Variants in SNX6 observed in about 807,000 individuals in gnomAD.
SNX6 encodes sorting nexin 6, also known as sorting nexin-6.
SNX6 carries 34 observed loss-of-function variants against 63.0 expected under a neutral mutation model. The ratio of observed to expected loss-of-function variants is 0.54; its 90% CI spans 0.41 to 0.72. The LOEUF (loss-of-function observed/expected upper bound fraction) is 0.72. SNX6 is among the 30% of genes least tolerant of loss of function. The probability of loss-of-function intolerance (pLI) is 0.00; values close to 1 mark genes in which losing one functional copy is unlikely to be tolerated. For synonymous variants in SNX6, 170 were observed against 164.2 expected, an observed-to-expected ratio of 1.04 and a Z score of -0.27; for missense variants, 398 against 471.4, an observed-to-expected ratio of 0.84 and a Z score of 1.44.
intron 8 of SNX6, among the ~76,000 whole-genome samples, chr14:34,591,140 T>C (rs1040691846): frequency 1.3e-5 from 2 of 152,026 alleles, no homozygotes; most frequent in African/African-American, 4.8e-5. Context: ...ATTTTGATTG[T>C]GGTAAGGATT....
intron 10 of SNX6, among the ~76,000 whole-genome samples, chr14:34,578,937 C>CAAAAAAAAAA (rs71121210): frequency 0.042 from 955 of 22,600 alleles, 187 homozygotes; most frequent in Non-Finnish European, 0.071. Flanking sequence ...GACTTCATCT[C>CAAAAAAAAAA]AAAAAAAAAA....
chr14:34,627,833 G>A (rs1197715070), intron 2 of SNX6, among the ~76,000 whole-genome samples: 1 of 151,994 alleles, frequency 6.6e-6, no homozygotes, highest in Non-Finnish European at 1.5e-5. Context: ...TGTTGCCCAG[G>A]CTGATCTTGA....
At chr14:34,615,031 C>G (rs1883366632) in intron 2 of SNX6, among the ~76,000 whole-genome samples, 1 of 151,930 alleles carries the variant, frequency 6.6e-6, no homozygotes, top group South Asian at 2.1e-4. Context: ...TTTATTCTTC[C>G]AATTCAAGAT....
At chr14:34,620,378 G>A (rs922496120) in intron 2 of SNX6, among the ~76,000 whole-genome samples, 3 of 152,184 alleles carry the variant, frequency 2.0e-5, no homozygotes, top group South Asian at 4.1e-4. Context: ...TACTTGGGAA[G>A]CTGAGGTGGG....
intron 6 of SNX6, among the ~76,000 whole-genome samples, chr14:34,598,922 T>A (rs542275196): frequency 6.6e-6 from 1 of 152,240 alleles, no homozygotes; most frequent in African/African-American, 2.4e-5. Context: ...TTTTGAGAAG[T>A]GATTAGGTCA....
At chr14:34,604,945 T>C (rs897688037) in intron 5 of SNX6, among the ~76,000 whole-genome samples, 1 of 152,206 alleles carries the variant, frequency 6.6e-6, no homozygotes, top group South Asian at 2.1e-4. Flanking sequence ...TTTCTTCTTT[T>C]CTCTGCCTGT....
chr14:34,611,174 G>T (rs1411888661), intron 2 of SNX6, among the ~76,000 whole-genome samples: 2 of 152,072 alleles, frequency 1.3e-5, no homozygotes, highest in Non-Finnish European at 2.9e-5. Flanking sequence ...GTAGTTTTTG[G>T]TAGAGAAGGG....
chr14:34,628,383 CGGGAGGCGGA>C (rs1011288192), intron 2 of SNX6, among the ~76,000 whole-genome samples: 2 of 152,148 alleles, frequency 1.3e-5, no homozygotes, highest in African/African-American at 4.8e-5. Context: ...GGCGTGAACC[CGGGAGGCGGA>C]GCTTGCAGTG....
intron 11 of SNX6, among the ~76,000 whole-genome samples, chr14:34,570,016 A>C (rs2138265517): frequency 6.6e-6 from 1 of 151,672 alleles, no homozygotes; most frequent in East Asian, 1.9e-4. Flanking sequence ...GAGAGTTCAA[A>C]TTTTGTCACT....
At chr14:34,594,727 G>A (rs767353524) in intron 7 of SNX6, among the ~76,000 whole-genome samples, 1 of 152,124 alleles carries the variant, frequency 6.6e-6, no homozygotes, top group Non-Finnish European at 1.5e-5. Context: ...AAAAGCATCT[G>A]CTGACAGGAT....
chr14:34,619,952 T>G (rs747546682), intron 2 of SNX6, among the ~76,000 whole-genome samples: 2 of 152,160 alleles, frequency 1.3e-5, no homozygotes, highest in African/African-American at 2.4e-5. Flanking sequence ...GCTCAAGCGA[T>G]CCTCCCACCT....
chr14:34,590,116 C>CA (rs1270033153), intron 8 of SNX6, among the ~76,000 whole-genome samples: 1 of 151,548 alleles, frequency 6.6e-6, no homozygotes, highest in African/African-American at 2.4e-5. Flanking sequence ...ACAACAACAA[C>CA]AAAAAACAAC....
intron 9 of SNX6, among the ~76,000 whole-genome samples, chr14:34,581,953 C>T (rs911523090): frequency 2.6e-5 from 4 of 151,706 alleles, no homozygotes; most frequent in South Asian, 2.1e-4. Context: ...CTCAGCCTCC[C>T]GAATAGCTGG....
rs560016136 is a variant in SNX6, at chr14:34,562,902, T to C, written c.*220A>G. Reference sequence around the variant, plus strand: ...TCTGAGTATGACGAGTGCACGATGATGGACCACTGTCATGGGGAACACAGT... The same window carrying C: ...TCTGAGTATGACGAGTGCACGATGACGGACCACTGTCATGGGGAACACAGT... On this transcript the variant is annotated 3_prime_UTR_variant, in exon 14 of 14. Coordinates refer to ENST00000362031, the MANE Select transcript of SNX6 (RefSeq NM_152233.4). 7.2e-6 allele frequency: 4 copies of C among 557,162 alleles called. No homozygotes were observed. The highest frequency in any genetic ancestry group is 3.0e-5 in the East Asian group (1 of 33,436). The allele number at this position is 557,162 out of a possible 1,614,324, so 34.5% of individuals were successfully genotyped here. A position where few individuals can be genotyped will look rare whatever the true frequency, so the allele number is the denominator to read the frequency against.
intron 7 of SNX6, among the ~76,000 whole-genome samples, chr14:34,593,968 G>A (rs113476974): frequency 0.011 from 1,606 of 152,004 alleles, 24 homozygotes; most frequent in African/African-American, 0.036. Flanking sequence ...CGCGCGCCTC[G>A]GCCTCCCAAC....
At chr14:34,609,815 C>A (rs1446312871) in intron 2 of SNX6, 73 bp from the exon 3 acceptor site, 2 of 1,000,718 alleles carry the variant, frequency 2.0e-6, no homozygotes, top group Non-Finnish European at 3.0e-6. Flanking sequence ...TAAGACAATG[C>A]AAAAACAAAA....
At chr14:34,613,819 G>C (rs1434281896) in intron 2 of SNX6, among the ~76,000 whole-genome samples, 2 of 146,092 alleles carry the variant, frequency 1.4e-5, no homozygotes, top group Non-Finnish European at 3.0e-5. Flanking sequence ...ACAAAAAACA[G>C]AATCTGGGGC....
intron 11 of SNX6, among the ~76,000 whole-genome samples, chr14:34,570,058 T>G (rs902787704): frequency 1.3e-4 from 20 of 149,834 alleles, no homozygotes; most frequent in East Asian, 3.9e-4. Flanking sequence ...TTTGTTTTTT[T>G]GGGGTTTTTT....
At chr14:34,611,090 T>C (rs978163178) in intron 2 of SNX6, among the ~76,000 whole-genome samples, 4 of 152,154 alleles carry the variant, frequency 2.6e-5, no homozygotes, top group Non-Finnish European at 5.9e-5. Flanking sequence ...CCTCCCAGGT[T>C]CAAGTGATTC....
Sources: gnomAD v4.1 joint callset for allele counts (sites outside exome capture counted in the v4.1 genomes callset) on GRCh38, gnomAD v4.1.1 for gene constraint, MANE v1.5 for transcripts, NCBI Gene and HGNC (gene_info 2026-07-23, HGNC 2026-07-21) for gene names.